Variants in SEC62 observed in about 807,000 individuals in gnomAD.
SEC62 encodes the protein SEC62 preprotein translocation factor.
Under a neutral mutation model 47.5 loss-of-function variants are expected in SEC62, and 10 were observed. The observed-to-expected ratio is 0.21, with a 90% CI of 0.13 to 0.36. SEC62 has a LOEUF of 0.36. SEC62 is among the 10% of genes least tolerant of loss of function. The pLI is 1.00. For missense variants in SEC62, 327 were observed against 464.1 expected, an observed-to-expected ratio of 0.70 and a Z score of 2.71; for synonymous variants, 136 against 150.5, an observed-to-expected ratio of 0.90 and a Z score of 0.71.
At chr3:169,969,395 G>T (rs746530736) in intron 1 of SEC62, 36 of 455,976 alleles carry the variant, frequency 7.9e-5, no homozygotes, top group Non-Finnish European at 1.2e-4. Context: ...TGAGCTACAT[G>T]TACTCATACA....
chr3:169,993,784 T>C lies in SEC62; in HGVS notation c.*721T>C, dbSNP rs1168438674. 2 of 152,656 alleles carry C rather than the reference T, an allele frequency of 1.3e-5. No individual in the cohort carries two copies. Among genetic ancestry groups the C allele is most frequent in the Non-Finnish European group, 2.9e-5 (2 of 68,046 alleles). The allele number at this position is 152,656 out of a possible 1,614,324, so 9.5% of individuals were successfully genotyped here. On this transcript the variant is annotated 3_prime_UTR_variant, in exon 8 of 8. Transcript: ENST00000337002. ...CCCATTTCATTGGCGTAACGTAAAGTGTATTCTGTACATAATTTACAAATA... is the reference window on the plus strand; with the variant it reads ...CCCATTTCATTGGCGTAACGTAAAGCGTATTCTGTACATAATTTACAAATA...
Position 169,996,305 on chromosome 3 carries a change from C to G in SEC62, c.*3242C>G, listed in dbSNP as rs188960052. ...GAGTGATGTTTTAAATATCCTATGT[C>G]TGAAAATAATTCCTCCTAATTGTGT... is the stretch of plus-strand genomic sequence containing the variant. On this transcript the variant is annotated 3_prime_UTR_variant, in exon 8 of 8. Transcript: ENST00000337002. The G allele has an allele frequency of 2.0e-5, 3 of 152,736 alleles. No homozygotes were observed. The East Asian group carries it at 5.8e-4, about 29-fold the overall frequency. 9.5% of individuals were successfully genotyped at this position (152,736 alleles called of 1,614,324 possible).
At chr3:169,969,704 T>A (rs753091097) in intron 1 of SEC62, among the ~76,000 whole-genome samples, 10 of 150,902 alleles carry the variant, frequency 6.6e-5, no homozygotes, top group Non-Finnish European at 1.3e-4. Flanking sequence ...CTGAATACTC[T>A]TTCTGTCTCA....
chr3:169,990,680 A>G (rs1715229848), intron 7 of SEC62, among the ~76,000 whole-genome samples: 1 of 152,112 alleles, frequency 6.6e-6, no homozygotes. Flanking sequence ...CCTTAAATTC[A>G]TTATCTCTGT....
intron 3 of SEC62, among the ~76,000 whole-genome samples, chr3:169,979,607 C>T (rs983178178): frequency 6.6e-6 from 1 of 152,052 alleles, no homozygotes; most frequent in African/African-American, 2.4e-5. Flanking sequence ...TGCCACTTTC[C>T]CTAAACGGTT....
intron 7 of SEC62, among the ~76,000 whole-genome samples, chr3:169,990,072 A>C (rs1034856793): frequency 4.0e-5 from 6 of 148,338 alleles, no homozygotes; most frequent in Non-Finnish European, 1.5e-5. Flanking sequence ...ATATTATATG[A>C]TATCTCATAT....
chr3:169,967,972 C>T (rs1576853639), intron 1 of SEC62, among the ~76,000 whole-genome samples: 3 of 151,678 alleles, frequency 2.0e-5, no homozygotes, highest in Admixed American at 6.6e-5. Flanking sequence ...TTTTTAAGTG[C>T]TGTGAAAAAG....
chr3:169,966,908 A>G (rs1223429939), intron 1 of SEC62, 50 bp downstream of exon 1: 16 of 1,349,860 alleles, frequency 1.2e-5, no homozygotes. Context: ...TGGATAGTGG[A>G]AGGGGCGGGG....
At chr3:169,984,657 A>G (rs747618355) in intron 5 of SEC62, among the ~76,000 whole-genome samples, 1 of 152,166 alleles carries the variant, frequency 6.6e-6, no homozygotes, top group African/African-American at 2.4e-5. Context: ...TTAAAAAAAC[A>G]TGTTTTTTTA....
At position 169,993,170 on chromosome 3, in the gene SEC62, C is replaced by A; in HGVS notation, c.*107C>A. 1.2e-6 allele frequency: 1 copy of A among 804,024 alleles called. No homozygotes were observed. The highest frequency in any genetic ancestry group is 2.0e-6 in the Non-Finnish European group (1 of 512,678). The allele number at this position is 804,024 out of a possible 1,614,324, so 49.8% of individuals were successfully genotyped here. A position where few individuals can be genotyped will look rare whatever the true frequency, so the allele number is the denominator to read the frequency against. Reference sequence around the variant, plus strand: ...CATTTGTAGCATTCTTTAAATCTATCTACTGAAATGTATTTGACATTCAAG... The same window carrying A: ...CATTTGTAGCATTCTTTAAATCTATATACTGAAATGTATTTGACATTCAAG... On this transcript the variant is annotated 3_prime_UTR_variant, in exon 8 of 8. Coordinates refer to ENST00000337002, the MANE Select transcript of SEC62 (RefSeq NM_003262.4).
chr3:169,969,331 G>T, intron 1 of SEC62: 1 of 456,640 alleles, frequency 2.2e-6, no homozygotes, highest in Non-Finnish European at 4.4e-6. Flanking sequence ...CTAGCAAGAG[G>T]ACTGTTGTCA....
In SEC62 at chr3:169,992,900, AC is replaced by A; in HGVS notation, c.1038del (p.Asp346GlufsTer20). On this transcript the variant is annotated frameshift_variant, in exon 8 of 8. Transcript: ENST00000337002. LOFTEE classifies it high-confidence loss of function. This position sits in a 1 kb window ranked among gnomAD's most constrained non-coding sequence, Gnocchi z 4.0. Reference protein sequence around the residue: ...GGERHSDTDSDRREDDRSQHS... With the variant: ...GGERHSDTDSXRREDDRSQHS... ...GAACGGCATTCAGACACGGACAGTGACAGGAGGGAAGATGATCGATCCCAGC... is the reference window on the plus strand; with the variant it reads ...GAACGGCATTCAGACACGGACAGTGAAGGAGGGAAGATGATCGATCCCAGC... The A allele has an allele frequency of 6.2e-7, 1 of 1,614,152 alleles. No homozygotes were observed. Among genetic ancestry groups the A allele is most frequent in the East Asian group, 2.2e-5 (1 of 44,884 alleles).
At chr3:169,978,030 A>G (rs368729978) in intron 3 of SEC62, among the ~76,000 whole-genome samples, 180 of 152,360 alleles carry the variant, frequency 1.2e-3, no homozygotes, top group African/African-American at 4.3e-3. Flanking sequence ...CCGTAATCCC[A>G]GCACTTTGGG....
intron 5 of SEC62, among the ~76,000 whole-genome samples, chr3:169,984,115 A>G (rs1418261967): frequency 3.3e-5 from 5 of 152,142 alleles, no homozygotes; most frequent in African/African-American, 1.2e-4. Context: ...TGTTATACCT[A>G]TACAATAGTA....
At chr3:169,978,363 A>G (rs761470407) in intron 3 of SEC62, among the ~76,000 whole-genome samples, 3 of 152,304 alleles carry the variant, frequency 2.0e-5, no homozygotes, top group South Asian at 2.1e-4. Flanking sequence ...TCCAGCAAGC[A>G]TATATCCAGG....
At chr3:169,974,405 A>G (rs1714776963) in intron 1 of SEC62, among the ~76,000 whole-genome samples, 1 of 152,268 alleles carries the variant, frequency 6.6e-6, no homozygotes, top group African/African-American at 2.4e-5. Flanking sequence ...ATACAAAGAT[A>G]GACTGCCTTC....
chr3:169,967,420 C>T (rs1714560279), intron 1 of SEC62, among the ~76,000 whole-genome samples: 1 of 152,140 alleles, frequency 6.6e-6, no homozygotes, highest in Admixed American at 6.5e-5. Flanking sequence ...TGTTCAGTTG[C>T]GTTGCCCTTC....
intron 1 of SEC62, 47 bp downstream of exon 1, chr3:169,966,905 T>G (rs1714539064): frequency 7.7e-7 from 1 of 1,300,166 alleles, no homozygotes; most frequent in Non-Finnish European, 1.0e-6. Context: ...CGCTGGATAG[T>G]GGAAGGGGCG....
rs369702960 is a variant in SEC62 at position 169,981,669 on chromosome 3, C to T, written c.252-1038C>T. The stretch of plus-strand genomic sequence containing the variant: ...GACAAAAATAAGGGCAACCCAATTT[C>T]TTGAGTAGGATTGTAAGGTTAAAGA... On this transcript the variant is annotated intron_variant, in intron 3 of 7. Transcript: ENST00000337002. 3.1e-4 allele frequency among the ~76,000 whole-genome samples: 47 copies of T among 152,268 alleles called. 1 individual carries two copies. In the East Asian group the frequency reaches 4.4e-3, roughly 14 times the overall value.
Sources: allele counts gnomAD v4.1 joint callset (sites outside exome capture counted in the v4.1 genomes callset), GRCh38; gene constraint gnomAD v4.1.1; non-coding constraint Gnocchi (gnomAD v3.1); transcripts MANE v1.5; gene names NCBI Gene and HGNC (gene_info 2026-07-23, HGNC 2026-07-21).